FRAS1: variants seen among roughly 807,000 people sequenced by gnomAD.
FRAS1 encodes Fraser extracellular matrix complex subunit 1, also known as extracellular matrix organizing protein FRAS1.
FRAS1 carries 290 observed loss-of-function variants against 435.2 expected under a neutral mutation model. The ratio of observed to expected loss-of-function variants is 0.67; its 90% CI spans 0.61 to 0.73. The LOEUF (loss-of-function observed/expected upper bound fraction) is 0.73. Among genes scored for constraint, FRAS1 ranks in the 30% least tolerant of loss-of-function variants. The pLI, the probability that FRAS1 is intolerant of heterozygous loss-of-function variation, is 0.00. For missense variants in FRAS1, 4,860 were observed against 5,001.5 expected, an observed-to-expected ratio of 0.97 and a Z score of 0.85; for synonymous variants, 1,800 against 1,851.0, an observed-to-expected ratio of 0.97 and a Z score of 0.71.
intron 1 of FRAS1, among the ~76,000 whole-genome samples, chr4:78,064,081 T>C (rs1739880281): frequency 6.6e-6 from 1 of 151,764 alleles, no homozygotes; most frequent in African/African-American, 2.4e-5. Context: ...TCTTATAACA[T>C]ACCATAGACT....
chr4:78,519,610 C>A, intron 67 of FRAS1, 129 bp downstream of exon 67: 1 of 1,022,904 alleles, frequency 9.8e-7, no homozygotes, highest in South Asian at 1.5e-5. Context: ...AGTGGGGCCA[C>A]CTCAAAGTGC....
At chr4:78,311,615 T>C (rs1023244249) in intron 15 of FRAS1, among the ~76,000 whole-genome samples, 1 of 152,240 alleles carries the variant, frequency 6.6e-6, no homozygotes, top group African/African-American at 2.4e-5. Context: ...TTTTTGACTC[T>C]GCATATTCTT....
rs113289166 is a variant in FRAS1, at chr4:78,341,379, G to A, written c.2422+3562G>A. On this transcript the variant is annotated intron_variant, in intron 20 of 73. Coordinates refer to ENST00000512123, the MANE Select transcript of FRAS1 (RefSeq NM_025074.7). The stretch of plus-strand genomic sequence containing the variant: ...TGCCTTGAAGATTCTGGGAAGTGTC[G>A]CGACTGCATTTCTGTGAAGAGAAAG... Among the ~76,000 whole-genome samples, 113 of 152,244 alleles carry A rather than the reference G, an allele frequency of 7.4e-4. 1 individual carries two copies. Among genetic ancestry groups the A allele is most frequent in the Middle Eastern group, 3.4e-3 (1 of 294 alleles).
chr4:78,245,161 A>G, intron 3 of FRAS1, 72 bp from the exon 4 acceptor site: 1 of 981,632 alleles, frequency 1.0e-6, no homozygotes, highest in Non-Finnish European at 1.6e-6. Flanking sequence ...AAGATGACTT[A>G]GGGTCTGATG....
Position 78,379,713 on chromosome 4 carries a change from A to C in FRAS1, c.3293-13A>C, listed in dbSNP as rs765245941. ...TACCATAAGCTTGACCTTTGGATTC[A>C]TATGTTTTTCAGGCAAAATACACAC... is the stretch of plus-strand genomic sequence containing the variant. On this transcript the variant is annotated splice_polypyrimidine_tract_variant and intron_variant, in intron 26 of 73. Coordinates refer to ENST00000512123, the MANE Select transcript of FRAS1 (RefSeq NM_025074.7). 1 of 1,603,832 alleles carries C rather than the reference A, an allele frequency of 6.2e-7. No homozygotes were observed. The highest frequency in any genetic ancestry group is 2.2e-5 in the East Asian group (1 of 44,838).
intron 2 of FRAS1, among the ~76,000 whole-genome samples, chr4:78,191,534 CTT>C (rs35774956): frequency 3.3e-3 from 472 of 142,658 alleles, no homozygotes; most frequent in Admixed American, 5.1e-3. Context: ...GTATTATTTT[CTT>C]TTTTTTTTTT....
In FRAS1 at chr4:78,379,825, A is replaced by C; in HGVS notation, c.3392A>C (p.Gln1131Pro). Residue 1131 changes from glutamine to proline, a missense_variant, in exon 27 of 74, where the codon CAG becomes CCG. By Grantham distance (76) the Gln-to-Pro change is moderately conservative. Coordinates refer to ENST00000512123, the MANE Select transcript of FRAS1 (RefSeq NM_025074.7). Reference sequence around the variant, plus strand: ...TTTTCCCTCCTGAATGTCCAAGACCAGGAGGGTAGGGTCGAAGATCTCCTA... The same window carrying C: ...TTTTCCCTCCTGAATGTCCAAGACCCGGAGGGTAGGGTCGAAGATCTCCTA... ...LDFSLLNVQD[Q>P]EGRVEDLLFH... The C allele has an allele frequency of 6.2e-7, 1 of 1,613,926 alleles. No individual in the cohort carries two copies. Among genetic ancestry groups the C allele is most frequent in the Non-Finnish European group, 8.5e-7 (1 of 1,179,850 alleles).
At chr4:78,130,248 A>G (rs1719619343) in intron 2 of FRAS1, among the ~76,000 whole-genome samples, 2 of 152,200 alleles carry the variant, frequency 1.3e-5, no homozygotes, top group African/African-American at 4.8e-5. Flanking sequence ...AAAATTATGT[A>G]CTCAGTATCT....
intron 2 of FRAS1, among the ~76,000 whole-genome samples, chr4:78,158,947 T>C (rs916434490): frequency 5.9e-5 from 9 of 152,186 alleles, no homozygotes; most frequent in East Asian, 1.9e-4. Flanking sequence ...TTGGAATCAA[T>C]AGACATTGCC....
chr4:78,514,130 C>T (rs72659043), intron 65 of FRAS1, among the ~76,000 whole-genome samples: 1,611 of 152,346 alleles, frequency 0.011, 11 homozygotes, highest in Non-Finnish European at 0.016. Flanking sequence ...AAAGCCATCT[C>T]GGCCATGGCA....
intron 48 of FRAS1, 134 bp downstream of exon 48, chr4:78,464,279 T>C: frequency 7.3e-7 from 1 of 1,376,264 alleles, no homozygotes; most frequent in East Asian, 2.4e-5. Context: ...AGGGGCAGCC[T>C]CTGTAGCCAC....
chr4:78,414,765 G>A (rs898469629), intron 32 of FRAS1, among the ~76,000 whole-genome samples: 10 of 152,222 alleles, frequency 6.6e-5, no homozygotes, highest in African/African-American at 2.4e-4. Flanking sequence ...AGCTCCTAAT[G>A]TATGTTAAGT....
At chr4:78,065,081 T>TATATATATATATATATATATACAC (rs762909923) in intron 1 of FRAS1, among the ~76,000 whole-genome samples, 2 of 125,692 alleles carry the variant, frequency 1.6e-5, no homozygotes, top group African/African-American at 6.1e-5. Flanking sequence ...TATATATATA[T>TATATATATATATATATATATACAC]ATACATACAC....
In FRAS1 at chr4:78,373,774, A is replaced by AAATAATAATAAT. The variant is rs58619851; in HGVS notation, c.3011-326_3011-315dup. 1.7e-3 allele frequency among the ~76,000 whole-genome samples: 261 copies of AAATAATAATAAT among 151,434 alleles called. 3 individuals are homozygous for AAATAATAATAAT. The highest frequency in any genetic ancestry group is 5.6e-3 in the African/African-American group (231 of 41,298). ...TGGGCAACAAGCAAAACTCCGTCTT[A>AAATAATAATAAT]AATAATAATAATAATAATAATAGTA... On this transcript the variant is annotated intron_variant, in intron 24 of 73. Coordinates refer to ENST00000512123, the MANE Select transcript of FRAS1 (RefSeq NM_025074.7).
At chr4:78,106,180 C>T (rs1168038820) in intron 2 of FRAS1, among the ~76,000 whole-genome samples, 1 of 94,732 alleles carries the variant, frequency 1.1e-5, no homozygotes, top group Non-Finnish European at 2.2e-5. Flanking sequence ...GAGGGGCGCC[C>T]GCCATTGCCC....
intron 2 of FRAS1, among the ~76,000 whole-genome samples, chr4:78,189,705 A>G (rs1722445891): frequency 6.6e-6 from 1 of 152,144 alleles, no homozygotes; most frequent in Non-Finnish European, 1.5e-5. Flanking sequence ...GACCTCTCCC[A>G]TGGCAGACAC....
intron 64 of FRAS1, among the ~76,000 whole-genome samples, chr4:78,513,132 T>C (rs1721090631): frequency 6.7e-6 from 1 of 149,852 alleles, no homozygotes; most frequent in Admixed American, 6.6e-5. Flanking sequence ...TGTGATGTTA[T>C]CTTTTCCTGT....
At chr4:78,533,276 G>T (rs1721778294) in intron 70 of FRAS1, among the ~76,000 whole-genome samples, 1 of 152,196 alleles carries the variant, frequency 6.6e-6, no homozygotes. Flanking sequence ...GTCCACAGAT[G>T]AATTCCTATT....
chr4:78,473,182 C>T (rs2109852560), intron 52 of FRAS1, among the ~76,000 whole-genome samples: 2 of 152,224 alleles, frequency 1.3e-5, no homozygotes, highest in South Asian at 4.1e-4. Flanking sequence ...CTGGGATTCT[C>T]ATTTTATAAC....
Sources: allele counts gnomAD v4.1 joint callset (sites outside exome capture counted in the v4.1 genomes callset), GRCh38; gene constraint gnomAD v4.1.1; transcripts MANE v1.5; gene names NCBI Gene and HGNC (gene_info 2026-07-23, HGNC 2026-07-21).